Variants in DNAJC6 observed in about 807,000 individuals in gnomAD.
DNAJC6 encodes DnaJ heat shock protein family (Hsp40) member C6.
In DNAJC6, 34 loss-of-function variants were observed where a neutral mutation model predicts 110.0. That is an observed-to-expected ratio of 0.31 (90% CI 0.24 to 0.41). The LOEUF (loss-of-function observed/expected upper bound fraction) is 0.41. Among genes scored for constraint, DNAJC6 ranks in the 10% least tolerant of loss-of-function variants. The probability of loss-of-function intolerance (pLI) is 1.00; values close to 1 mark genes in which losing one functional copy is unlikely to be tolerated. For synonymous variants in DNAJC6, 406 were observed against 437.2 expected (o/e 0.93, Z 0.89); for missense variants, 1,031 against 1,207.8 (o/e 0.85, Z 2.17).
At chr1:65,288,241 G>A (rs1654085625) in intron 1 of DNAJC6, among the ~76,000 whole-genome samples, 1 of 152,130 alleles carries the variant, frequency 6.6e-6, no homozygotes, top group South Asian at 2.1e-4. Context: ...CAGCTTGCCA[G>A]GTTAGGATTT....
At position 65,415,105 on chromosome 1, in the gene DNAJC6, C is replaced by G. The variant is rs1378179203; in HGVS notation, c.*2080C>G. 6.6e-6 allele frequency: 1 copy of G among 152,072 alleles called. No individual in the cohort carries two copies. Among genetic ancestry groups the G allele is most frequent in the Non-Finnish European group, 1.5e-5 (1 of 68,020 alleles). 9.4% of individuals were successfully genotyped at this position (152,072 alleles called of 1,614,324 possible). On this transcript the variant is annotated 3_prime_UTR_variant, in exon 19 of 19. Coordinates refer to ENST00000371069, the MANE Select transcript of DNAJC6 (RefSeq NM_001256864.2). Reference sequence around the variant, plus strand: ...TCTCAAAACTCTTAATATATGCAGACCAACAGGTCTTTGCATTCCTTTTAA... The same window carrying G: ...TCTCAAAACTCTTAATATATGCAGAGCAACAGGTCTTTGCATTCCTTTTAA...
intron 1 of DNAJC6, among the ~76,000 whole-genome samples, chr1:65,294,690 C>A (rs1004970800): frequency 1.0e-4 from 11 of 105,428 alleles, no homozygotes; most frequent in Non-Finnish European, 1.7e-4. Flanking sequence ...TATATTGTAC[C>A]CATTGAGTTA....
Position 65,386,802 on chromosome 1 carries a change from G to A in DNAJC6, c.996-10G>A, listed in dbSNP as rs1053870587. The A allele has an allele frequency of 6.2e-7, 1 of 1,611,004 alleles. No individual in the cohort carries two copies. Among genetic ancestry groups the A allele is most frequent in the East Asian group, 2.2e-5 (1 of 44,854 alleles). On this transcript the variant is annotated splice_polypyrimidine_tract_variant and intron_variant, in intron 7 of 18. Coordinates refer to ENST00000371069, the MANE Select transcript of DNAJC6 (RefSeq NM_001256864.2). The stretch of plus-strand genomic sequence containing the variant: ...TCTCTTTCAATGTATATTTTGGTCT[G>A]TGTTTACAGAGAATATCGTGTCCAA...
At chr1:65,343,051 C>A (rs1645404139) in intron 1 of DNAJC6, among the ~76,000 whole-genome samples, 1 of 152,168 alleles carries the variant, frequency 6.6e-6, no homozygotes, top group South Asian at 2.1e-4. Context: ...GACTTTCAAG[C>A]CTTTTGAGAT....
intron 1 of DNAJC6, among the ~76,000 whole-genome samples, chr1:65,354,776 C>A (rs1340235296): frequency 6.6e-6 from 1 of 152,126 alleles, no homozygotes; most frequent in African/African-American, 2.4e-5. Flanking sequence ...TAAAATATAA[C>A]CCCCTTTTAT....
intron 5 of DNAJC6, among the ~76,000 whole-genome samples, chr1:65,380,890 G>GTT (rs1302360579): frequency 8.4e-6 from 1 of 118,750 alleles, no homozygotes. Flanking sequence ...GGGGGAGGGA[G>GTT]TTTTTTTTTT....
chr1:65,370,647 G>A (rs1345977356), intron 4 of DNAJC6, among the ~76,000 whole-genome samples: 1 of 152,184 alleles, frequency 6.6e-6, no homozygotes. Context: ...AGGACAGTAT[G>A]GTGACAGAGT....
At chr1:65,279,990 C>G (rs1367218747) in intron 1 of DNAJC6, 1 of 153,958 alleles carries the variant, frequency 6.5e-6, no homozygotes, top group African/African-American at 2.4e-5. Context: ...CTTAACTTCT[C>G]TGAGCCTCAG....
chr1:65,312,239 A>G (rs10889540), intron 1 of DNAJC6, among the ~76,000 whole-genome samples: 112,923 of 151,980 alleles, frequency 0.74, 41,956 homozygotes, highest in East Asian at 0.83. Flanking sequence ...TTATTAGGGG[A>G]ATATTGTGGC....
chr1:65,337,661 A>G (rs1645350231), intron 1 of DNAJC6, among the ~76,000 whole-genome samples: 1 of 152,208 alleles, frequency 6.6e-6, no homozygotes, highest in Non-Finnish European at 1.5e-5. Context: ...CAACAACAAA[A>G]AAGTACAGAA....
chr1:65,335,915 C>A (rs894435965), intron 1 of DNAJC6, among the ~76,000 whole-genome samples: 3 of 152,070 alleles, frequency 2.0e-5, no homozygotes, highest in African/African-American at 7.2e-5. Context: ...GCAGAGACAG[C>A]AGTGAAGAAG....
chr1:65,309,515 T>A, upstream of DNAJC6: 15 of 904,234 alleles, frequency 1.7e-5, no homozygotes, highest in Middle Eastern at 5.1e-4. Context: ...CCGCGTCTCC[T>A]TCCCTCCCTC....
At chr1:65,410,308 T>C (rs552295485) in intron 17 of DNAJC6, among the ~76,000 whole-genome samples, 18 of 152,314 alleles carry the variant, frequency 1.2e-4, no homozygotes, top group South Asian at 1.0e-3. Flanking sequence ...TAATATAACT[T>C]AGATTCTTTG....
chr1:65,338,357 T>C (rs150807493), intron 1 of DNAJC6, among the ~76,000 whole-genome samples: 10 of 152,266 alleles, frequency 6.6e-5, no homozygotes, highest in African/African-American at 2.4e-4. Context: ...TTTTTTGTTT[T>C]TCTTTTGGTG....
In DNAJC6 at chr1:65,301,007, G is replaced by T. The variant is rs949217730; in HGVS notation, c.-131+36075G>T. On this transcript the variant is annotated intron_variant, in intron 1 of 19. Coordinates refer to the DNAJC6 transcript ENST00000263441. ...ATAATGGGCTCAGGGCCAAACATGG[G>T]ACTATCCAGGATTTAGGAAAACTTT... Among the ~76,000 whole-genome samples, 58 of 152,328 alleles carry T rather than the reference G, an allele frequency of 3.8e-4. 1 individual carries two copies. Among genetic ancestry groups the T allele is most frequent in the African/African-American group, 1.2e-3 (51 of 41,572 alleles).
chr1:65,345,760 T>C (rs2101500110), intron 1 of DNAJC6: 1 of 833,434 alleles, frequency 1.2e-6, no homozygotes, highest in African/African-American at 1.9e-5. Flanking sequence ...ATTTAGCCCA[T>C]GTCTTCTGTA....
chr1:65,315,509 A>G (rs1350214657), intron 1 of DNAJC6, among the ~76,000 whole-genome samples: 1 of 152,216 alleles, frequency 6.6e-6, no homozygotes, highest in African/African-American at 2.4e-5. Flanking sequence ...TATGCTTTAC[A>G]CATATATGTA....
chr1:65,320,983 GAA>G (rs1483097570), intron 1 of DNAJC6, among the ~76,000 whole-genome samples: 1 of 152,196 alleles, frequency 6.6e-6, no homozygotes, highest in Non-Finnish European at 1.5e-5. Flanking sequence ...TAGCTTTGTA[GAA>G]AGAAGTGTGT....
At chr1:65,317,931 G>A (rs533846385) in intron 1 of DNAJC6, among the ~76,000 whole-genome samples, 4 of 152,316 alleles carry the variant, frequency 2.6e-5, no homozygotes, top group East Asian at 1.9e-4. Flanking sequence ...AAGAAAACCC[G>A]TTTTGGGCTT....
Sources: allele counts gnomAD v4.1 joint callset (sites outside exome capture counted in the v4.1 genomes callset), GRCh38; gene constraint gnomAD v4.1.1; transcripts MANE v1.5; gene names NCBI Gene and HGNC (gene_info 2026-07-23, HGNC 2026-07-21).